STPG4: variants seen among roughly 807,000 people sequenced by gnomAD.
STPG4 encodes the protein sperm-tail PG-rich repeat containing 4, also known as protein STPG4.
A neutral mutation model predicts 31.5 loss-of-function variants in STPG4; 41 were observed. The ratio of observed to expected loss-of-function variants is 1.30; its 90% CI spans 1.01 to 1.69. The LOEUF is 1.69. Ranked by LOEUF, STPG4 falls within the 40% of genes most tolerant of loss-of-function variation. The pLI is 0.00. For synonymous variants in STPG4, 141 were observed against 103.0 expected (o/e 1.37, Z -2.24); for missense variants, 375 against 293.4 (o/e 1.28, Z -2.03).
intron 5 of STPG4, among the ~76,000 whole-genome samples, chr2:47,113,756 C>T (rs1265503485): frequency 2.6e-5 from 4 of 151,884 alleles, no homozygotes; most frequent in South Asian, 2.1e-4. Context: ...AAATTTAGGC[C>T]GGGCGCAGTG....
chr2:47,090,931 G>A (rs1450257982), intron 5 of STPG4, among the ~76,000 whole-genome samples: 1 of 152,142 alleles, frequency 6.6e-6, no homozygotes, highest in African/African-American at 2.4e-5. Context: ...TTAGCAACAG[G>A]CCATTCATGA....
intron 5 of STPG4, among the ~76,000 whole-genome samples, chr2:47,091,079 A>T (rs1685560456): frequency 1.3e-5 from 2 of 151,852 alleles, no homozygotes; most frequent in Non-Finnish European, 2.9e-5. Context: ...TCTAAAAATT[A>T]AAACAGGTTA....
At chr2:47,104,288 G>C (rs561616166) in intron 5 of STPG4, among the ~76,000 whole-genome samples, 1 of 151,938 alleles carries the variant, frequency 6.6e-6, no homozygotes, top group African/African-American at 2.4e-5. Context: ...AAAGGATTAC[G>C]GAATACTGTT....
intron 1 of STPG4, among the ~76,000 whole-genome samples, chr2:47,154,594 G>A (rs1008082931): frequency 2.6e-5 from 4 of 152,374 alleles, no homozygotes; most frequent in African/African-American, 9.6e-5. Context: ...GGCCAGCCAT[G>A]GCGGTGCATG....
At chr2:47,092,347 T>C (rs1349705377) in intron 5 of STPG4, among the ~76,000 whole-genome samples, 4 of 146,980 alleles carry the variant, frequency 2.7e-5, no homozygotes, top group African/African-American at 1.0e-4. Flanking sequence ...CTGGGCAACA[T>C]GGTGAGACCT....
intron 5 of STPG4, among the ~76,000 whole-genome samples, chr2:47,120,144 A>C (rs998900831): frequency 1.3e-5 from 2 of 152,140 alleles, no homozygotes; most frequent in African/African-American, 4.8e-5. Context: ...CAGCTTGGGC[A>C]ATATGTTGAA....
chr2:47,129,811 G>T, intron 5 of STPG4, 130 bp downstream of exon 5: 2 of 1,149,822 alleles, frequency 1.7e-6, no homozygotes, highest in Non-Finnish European at 2.5e-6. Context: ...TAATTGTGTG[G>T]ATAATGGTGT....
chr2:47,123,525 A>G (rs1686313031), intron 5 of STPG4, among the ~76,000 whole-genome samples: 7 of 152,178 alleles, frequency 4.6e-5, no homozygotes. Context: ...GCTATGAAGT[A>G]AAAAATAAAC....
At chr2:47,097,318 G>A (rs1685693502) in intron 5 of STPG4, among the ~76,000 whole-genome samples, 1 of 152,106 alleles carries the variant, frequency 6.6e-6, no homozygotes, top group African/African-American at 2.4e-5. Flanking sequence ...TCCTTCCCCA[G>A]AAAGCGCACA....
At chr2:47,108,983 G>A (rs571792573) in intron 5 of STPG4, among the ~76,000 whole-genome samples, 1 of 152,314 alleles carries the variant, frequency 6.6e-6, no homozygotes, top group South Asian at 2.1e-4. Context: ...TACCTAACGT[G>A]CCAAGGTTAT....
At chr2:47,107,344 G>A (rs1166810272) in intron 5 of STPG4, among the ~76,000 whole-genome samples, 2 of 152,136 alleles carry the variant, frequency 1.3e-5, no homozygotes, top group South Asian at 2.1e-4. Flanking sequence ...GTTCCGGGTG[G>A]GCATGGGCTT....
At chr2:47,140,020 C>T (rs967597455) in intron 3 of STPG4, among the ~76,000 whole-genome samples, 4 of 152,036 alleles carry the variant, frequency 2.6e-5, no homozygotes, top group Middle Eastern at 3.2e-3. Flanking sequence ...GTGATCCGCC[C>T]GCCTCAGCCT....
chr2:47,132,907 T>C (rs569399491), intron 3 of STPG4, among the ~76,000 whole-genome samples: 1 of 152,306 alleles, frequency 6.6e-6, no homozygotes, highest in Admixed American at 6.5e-5. Context: ...GAAGTGCTCA[T>C]GGAAAAACTA....
At chr2:47,142,263 C>G (rs890762013) in intron 3 of STPG4, among the ~76,000 whole-genome samples, 2 of 45,588 alleles carry the variant, frequency 4.4e-5, no homozygotes, top group African/African-American at 9.8e-5. Context: ...GCCTGGCTAC[C>G]TCTTTTTGAC....
chr2:47,101,600 G>C (rs1451219568), intron 5 of STPG4, among the ~76,000 whole-genome samples: 1 of 151,600 alleles, frequency 6.6e-6, no homozygotes, highest in Non-Finnish European at 1.5e-5. Context: ...TAAACTCCAG[G>C]ACTCTGTTAC....
At chr2:47,136,997 T>C (rs1686610316) in intron 3 of STPG4, among the ~76,000 whole-genome samples, 1 of 152,228 alleles carries the variant, frequency 6.6e-6, no homozygotes, top group Admixed American at 6.5e-5. Flanking sequence ...GTTGTCTTGT[T>C]CCATTAGCTG....
chr2:47,131,211 C>T (rs537029772), intron 3 of STPG4, among the ~76,000 whole-genome samples: 20 of 152,138 alleles, frequency 1.3e-4, no homozygotes, highest in Admixed American at 9.8e-4. Flanking sequence ...ACTGAAGCCT[C>T]GACATCCCAG....
intron 3 of STPG4, among the ~76,000 whole-genome samples, chr2:47,138,287 T>C (rs187403718): frequency 4.1e-4 from 63 of 152,292 alleles, no homozygotes; most frequent in Non-Finnish European, 7.6e-4. Flanking sequence ...TATTTTGGGG[T>C]TTTCTAGTTA....
rs550757310 is a variant in STPG4, at chr2:47,102,854, T to A, written c.520-12480A>T. The stretch of plus-strand genomic sequence containing the variant: ...CAGATCAAGGCAGACCTGGGGAGGT[T>A]TTCAGATGATCCTGATAGGTACATA... On this transcript the variant is annotated intron_variant, in intron 5 of 6. Coordinates refer to ENST00000445927, the MANE Select transcript of STPG4 (RefSeq NM_001163561.2). Among the ~76,000 whole-genome samples, 12 of 151,664 alleles carry A rather than the reference T, an allele frequency of 7.9e-5. No homozygotes were observed. The South Asian group carries it at 2.1e-3, about 26-fold the overall frequency.
Sources: gnomAD v4.1 joint callset for allele counts (sites outside exome capture counted in the v4.1 genomes callset) on GRCh38, gnomAD v4.1.1 for gene constraint, MANE v1.5 for transcripts, NCBI Gene and HGNC (gene_info 2026-07-23, HGNC 2026-07-21) for gene names.